Variants in PANK1 observed in about 807,000 individuals in gnomAD.
PANK1 encodes the protein pantothenate kinase 1.
PANK1 carries 18 observed loss-of-function variants against 40.1 expected under a neutral mutation model. The ratio of observed to expected loss-of-function variants is 0.45; its 90% confidence interval spans 0.31 to 0.67. The LOEUF (loss-of-function observed/expected upper bound fraction) is 0.67, where lower values mean the gene tolerates loss of function less well. Ranked by LOEUF, PANK1 falls within the 30% of genes least tolerant of loss-of-function variation. PANK1 has a pLI of 0.06. For synonymous variants in PANK1, 242 were observed against 237.7 expected, an observed-to-expected ratio of 1.02 and a Z score of -0.17; for missense variants, 457 against 599.6, an observed-to-expected ratio of 0.76 and a Z score of 2.48.
intron 3 of PANK1, among the ~76,000 whole-genome samples, chr10:89,597,123 C>A (rs1035705506): frequency 5.9e-5 from 9 of 152,064 alleles, no homozygotes; most frequent in Admixed American, 2.6e-4. Flanking sequence ...TAAGAAAAAA[C>A]CTGGAGTGAC....
downstream of PANK1, chr10:89,582,573 T>C (rs1229982016): frequency 6.6e-6 from 1 of 152,142 alleles, no homozygotes; most frequent in Non-Finnish European, 1.5e-5. Context: ...TAGATGAGAA[T>C]AGGAATAGAA....
At chr10:89,638,040 C>T (rs1454607865) in intron 1 of PANK1, among the ~76,000 whole-genome samples, 1 of 152,136 alleles carries the variant, frequency 6.6e-6, no homozygotes, top group East Asian at 1.9e-4. Flanking sequence ...CTTCCACACC[C>T]ACATCTTGTC....
intron 1 of PANK1, among the ~76,000 whole-genome samples, chr10:89,627,436 C>A (rs1387524772): frequency 6.6e-6 from 1 of 152,116 alleles, no homozygotes; most frequent in Non-Finnish European, 1.5e-5. Flanking sequence ...ACTTGGGCAA[C>A]TGAGGATTTT....
chr10:89,596,832 A>G (rs1844623837), intron 3 of PANK1, among the ~76,000 whole-genome samples: 1 of 152,212 alleles, frequency 6.6e-6, no homozygotes, highest in Admixed American at 6.5e-5. Context: ...GATGAGATGT[A>G]CTGCTACTTT....
At chr10:89,592,132 G>GT (rs1411061829) in intron 5 of PANK1, among the ~76,000 whole-genome samples, 1 of 152,198 alleles carries the variant, frequency 6.6e-6, no homozygotes, top group African/African-American at 2.4e-5. Flanking sequence ...TTTTCTCTGA[G>GT]TATCAGCCTC....
chr10:89,582,682 G>A (rs1007252608), downstream of PANK1: 3 of 152,292 alleles, frequency 2.0e-5, no homozygotes, highest in South Asian at 6.2e-4. Flanking sequence ...AAGCCAGATA[G>A]AAGTTGGTAA....
At chr10:89,608,845 T>C (rs1020349819) in intron 2 of PANK1, among the ~76,000 whole-genome samples, 2 of 152,216 alleles carry the variant, frequency 1.3e-5, no homozygotes, top group Non-Finnish European at 2.9e-5. Context: ...CGATTTTCTA[T>C]TCTAGAAATG....
intron 1 of PANK1, 93 bp downstream of exon 1, chr10:89,644,507 G>A (rs570351998): frequency 1.1e-3 from 1,284 of 1,124,414 alleles, no homozygotes; most frequent in Non-Finnish European, 1.4e-3. Flanking sequence ...GGCGCACGGG[G>A]CGTGCTGCGG....
chr10:89,637,930 GTTTT>G (rs56753931), intron 1 of PANK1, among the ~76,000 whole-genome samples: 1 of 149,564 alleles, frequency 6.7e-6, no homozygotes, highest in African/African-American at 2.5e-5. Context: ...AAATTTTTTA[GTTTT>G]TTTTTTTACT....
In PANK1 at chr10:89,644,607, G is replaced by T; in HGVS notation, c.285C>A (p.Asn95Lys). 1 of 1,589,964 alleles carries T rather than the reference G, an allele frequency of 6.3e-7. No homozygotes were observed. The highest frequency in any genetic ancestry group is 8.5e-7 in the Non-Finnish European group (1 of 1,173,078). The change falls in exon 1 of 7, where the codon AAC (asparagine) becomes AAA (lysine). Residue 95 changes from asparagine (N) to lysine (K), a missense_variant. Physicochemically the swap from Asn to Lys is moderately conservative, Grantham distance 94. This residue lies in a region of PANK1 where 286 missense variants were observed against 415.8 expected (regional missense o/e 0.69). Coordinates refer to ENST00000307534, the MANE Select transcript of PANK1 (RefSeq NM_148977.3). ...CCTCCCAGCGGGACTTACGCGGCCT[G>T]TTCTTTCTCCCCGAGTCCATCCTCC... Reference protein sequence around the residue: ...LRRRMDSGRKNRPPFPWFGMD... With the variant: ...LRRRMDSGRKKRPPFPWFGMD...
chr10:89,595,682 T>C (rs1844542855), intron 3 of PANK1, among the ~76,000 whole-genome samples: 1 of 149,096 alleles, frequency 6.7e-6, no homozygotes, highest in South Asian at 2.1e-4. Context: ...TAGCCAGCCT[T>C]GGTGGCACGC....
intron 3 of PANK1, among the ~76,000 whole-genome samples, chr10:89,595,830 AAAAATATATATATATATATATATATATAT>A (rs1255078737): frequency 1.5e-5 from 1 of 66,576 alleles, no homozygotes; most frequent in Non-Finnish European, 2.6e-5. Flanking sequence ...AAAAAAAAAA[AAAAATATATATATATATATATATATATAT>A]ATATATATAT....
intron 3 of PANK1, among the ~76,000 whole-genome samples, chr10:89,594,461 A>G (rs767740749): frequency 5.9e-5 from 9 of 152,200 alleles, no homozygotes; most frequent in Admixed American, 2.0e-4. Flanking sequence ...ATGAAGCCAA[A>G]CCCTCTGATG....
intron 1 of PANK1, 122 bp downstream of exon 1, chr10:89,644,476 TCC>T: frequency 3.7e-6 from 3 of 805,852 alleles, no homozygotes; most frequent in Non-Finnish European, 5.7e-6. Context: ...CTCTGTGCAG[TCC>T]CTCGACCGCA....
At position 89,645,014 on chromosome 10, in the gene PANK1, G is replaced by A. The variant is rs1379742653; in HGVS notation, c.-123C>T. 1.3e-6 allele frequency: 2 copies of A among 1,566,928 alleles called. No individual in the cohort carries two copies. Among genetic ancestry groups the A allele is most frequent in the Admixed American group, 1.8e-5 (1 of 54,108 alleles). ...TTCCGATTCAGCAGCCGCAGAGCCG[G>A]CGCCTGGGGATGGCGAACCCGGCGC... is the stretch of plus-strand genomic sequence containing the variant. On this transcript the variant is annotated 5_prime_UTR_variant, in exon 1 of 7. Transcript: ENST00000307534.
chr10:89,581,175 T>G (rs1844044166), downstream of PANK1: 1 of 152,252 alleles, frequency 6.6e-6, no homozygotes, highest in South Asian at 2.1e-4. Context: ...TTGCTGTCTT[T>G]CTCTGCAGGG....
At chr10:89,586,506 T>TTAA (rs1441092255) in intron 6 of PANK1, among the ~76,000 whole-genome samples, 4 of 152,188 alleles carry the variant, frequency 2.6e-5, no homozygotes, top group African/African-American at 9.6e-5. Flanking sequence ...TCATTGGGCC[T>TTAA]TAACTATTTT....
intron 2 of PANK1, 80 bp downstream of exon 2, chr10:89,611,616 T>C (rs1845155011): frequency 6.9e-6 from 7 of 1,011,864 alleles, no homozygotes; most frequent in African/African-American, 3.2e-5. Flanking sequence ...AGGCTAGTAG[T>C]ATGGTTCTTC....
intron 1 of PANK1, among the ~76,000 whole-genome samples, chr10:89,631,391 A>G (rs1490334468): frequency 1.3e-5 from 2 of 152,192 alleles, no homozygotes; most frequent in African/African-American, 4.8e-5. Flanking sequence ...AGGTCTAAAG[A>G]TTGCCTGAAA....
Sources: allele counts gnomAD v4.1 joint callset (sites outside exome capture counted in the v4.1 genomes callset), GRCh38; gene constraint gnomAD v4.1.1; regional missense constraint gnomAD v4.1.1; transcripts MANE v1.5; gene names NCBI Gene and HGNC (gene_info 2026-07-23, HGNC 2026-07-21).